The following NOCT variants were observed in gnomAD, a reference collection of about 807,000 sequenced individuals.
The protein encoded by NOCT is CCR4 carbon catabolite repression 4-like.
A neutral mutation model predicts 35.0 loss-of-function variants in NOCT; 18 were observed. The ratio of observed to expected loss-of-function variants is 0.51; its 90% CI spans 0.36 to 0.76. NOCT has a LOEUF of 0.76. NOCT is among the 30% of genes least tolerant of loss of function. NOCT has a pLI of 0.01. For synonymous variants in NOCT, 235 were observed against 226.3 expected (o/e 1.04, Z -0.34); for missense variants, 479 against 541.0 (o/e 0.89, Z 1.14).
At position 139,043,333 on chromosome 4, in the gene NOCT, C is replaced by A. The variant is rs1726872106; in HGVS notation, c.450C>A (p.Ile150=). 2 of 1,613,256 alleles carry A rather than the reference C, an allele frequency of 1.2e-6. No homozygotes were observed. Among genetic ancestry groups the A allele is most frequent in the Non-Finnish European group, 8.5e-7 (1 of 1,179,426 alleles). The change falls in exon 2 of 3, where the codon ATC becomes ATA. Residue 150 remains isoleucine, a synonymous_variant. Transcript: ENST00000280614. ...CTATCAGGGTTATGCAATGGAACAT[C>A]CTCGCCCAAGGTATGCTGGATGCTT... ...HPPIRVMQWN[I]LAQALGEGKD...
chr4:139,039,796 C>T (rs1429744678), intron 1 of NOCT, among the ~76,000 whole-genome samples: 1 of 152,086 alleles, frequency 6.6e-6, no homozygotes, highest in Non-Finnish European at 1.5e-5. Context: ...GGCGCCATCT[C>T]GGCTTCCTGC....
intron 1 of NOCT, among the ~76,000 whole-genome samples, chr4:139,035,096 A>G (rs191266695): frequency 6.6e-6 from 1 of 151,990 alleles, no homozygotes; most frequent in African/African-American, 2.4e-5. Flanking sequence ...TGGCACCTCC[A>G]TCCTTCTGGT....
At chr4:139,042,398 A>G (rs1469413677) in intron 1 of NOCT, among the ~76,000 whole-genome samples, 3 of 152,150 alleles carry the variant, frequency 2.0e-5, no homozygotes, top group African/African-American at 7.2e-5. Flanking sequence ...ATATATAGAA[A>G]AAGGAATGTA....
At chr4:139,040,350 T>G (rs1436232194) in intron 1 of NOCT, among the ~76,000 whole-genome samples, 6 of 152,162 alleles carry the variant, frequency 3.9e-5, no homozygotes, top group Non-Finnish European at 1.5e-5. Flanking sequence ...TTGTATCATT[T>G]TCTTAAAGAC....
At chr4:139,019,930 C>T (rs1469456527) in intron 1 of NOCT, among the ~76,000 whole-genome samples, 1 of 152,130 alleles carries the variant, frequency 6.6e-6, no homozygotes, top group Non-Finnish European at 1.5e-5. Context: ...TGCTTTTTTT[C>T]ATGGTACAAT....
intron 1 of NOCT, among the ~76,000 whole-genome samples, chr4:139,031,059 T>C (rs1327935669): frequency 6.6e-6 from 1 of 152,084 alleles, no homozygotes; most frequent in Non-Finnish European, 1.5e-5. Flanking sequence ...CGCTGAATGG[T>C]TTGGGCAAAG....
rs756778673 is a variant in NOCT at position 139,045,045 on chromosome 4, A to G, written c.867A>G (p.Ala289=). Residue 289 remains alanine, a synonymous_variant, in exon 3 of 3, where the codon GCA becomes GCG. Coordinates refer to ENST00000280614, the MANE Select transcript of NOCT (RefSeq NM_012118.4). ...QFCIAVTHLK[A]RTGWERFRSA... is the part of the protein sequence containing the mutation. The stretch of plus-strand genomic sequence containing the variant: ...GCATCGCTGTTACCCATCTAAAAGC[A>G]CGCACTGGCTGGGAGCGGTTTCGAT... 6.2e-7 allele frequency: 1 copy of G among 1,614,100 alleles called. No homozygotes were observed. The highest frequency in any genetic ancestry group is 1.3e-5 in the African/African-American group (1 of 74,942).
intron 1 of NOCT, among the ~76,000 whole-genome samples, chr4:139,032,544 G>GA (rs1195556503): frequency 6.6e-6 from 1 of 152,136 alleles, no homozygotes; most frequent in East Asian, 1.9e-4. Context: ...CTGTGTTTGT[G>GA]AAAAATGAAT....
intron 1 of NOCT, among the ~76,000 whole-genome samples, chr4:139,029,962 G>A (rs931114936): frequency 1.3e-5 from 2 of 152,116 alleles, no homozygotes; most frequent in African/African-American, 4.8e-5. Context: ...TGCAATCTTG[G>A]CTCACTGCAA....
rs1379541544 is a variant in NOCT at position 139,020,243 on chromosome 4, G to T, written c.190+4072G>T. Among the ~76,000 whole-genome samples the T allele has an allele frequency of 2.6e-5, 4 of 152,230 alleles. No individual in the cohort carries two copies. The South Asian group carries it at 8.3e-4, about 32-fold the overall frequency. Reference sequence around the variant, plus strand: ...AACCTTGCTTGCTGTCTCAACACTAGACTTTACCTAGAACAAATGAATAAG... The same window carrying T: ...AACCTTGCTTGCTGTCTCAACACTATACTTTACCTAGAACAAATGAATAAG... On this transcript the variant is annotated intron_variant, in intron 1 of 2. Coordinates refer to ENST00000280614, the MANE Select transcript of NOCT (RefSeq NM_012118.4).
intron 1 of NOCT, among the ~76,000 whole-genome samples, chr4:139,034,721 G>A (rs929641706): frequency 2.0e-5 from 3 of 151,910 alleles, no homozygotes; most frequent in Admixed American, 1.3e-4. Context: ...ACAGGCATGC[G>A]CCACCACACC....
intron 1 of NOCT, among the ~76,000 whole-genome samples, chr4:139,040,219 T>C (rs1726812225): frequency 6.6e-6 from 1 of 150,896 alleles, no homozygotes; most frequent in Non-Finnish European, 1.5e-5. Context: ...TTTTGTATTT[T>C]TTAGTAGAGA....
chr4:139,023,366 T>A (rs1726451079), intron 1 of NOCT, among the ~76,000 whole-genome samples: 1 of 152,178 alleles, frequency 6.6e-6, no homozygotes, highest in Non-Finnish European at 1.5e-5. Context: ...ATATAATACT[T>A]TTCTATTTCC....
intron 1 of NOCT, among the ~76,000 whole-genome samples, chr4:139,029,245 TTAAC>T (rs1349064658): frequency 2.6e-5 from 4 of 152,226 alleles, no homozygotes; most frequent in Non-Finnish European, 5.9e-5. Context: ...TACCTCTTGT[TTAAC>T]TAAATTAATC....
chr4:139,035,382 T>G (rs1726712043), intron 1 of NOCT, among the ~76,000 whole-genome samples: 1 of 152,114 alleles, frequency 6.6e-6, no homozygotes, highest in Non-Finnish European at 1.5e-5. Context: ...GCGATCCTCC[T>G]GCCTTGGCCT....
intron 1 of NOCT, among the ~76,000 whole-genome samples, chr4:139,023,612 C>T (rs534656064): frequency 1.3e-5 from 2 of 152,200 alleles, no homozygotes; most frequent in Non-Finnish European, 2.9e-5. Context: ...TCTCCTGCCT[C>T]AGCCTCCCGA....
chr4:139,042,559 CTTAAA>C (rs1159039194), intron 1 of NOCT, among the ~76,000 whole-genome samples: 1 of 152,102 alleles, frequency 6.6e-6, no homozygotes, highest in Non-Finnish European at 1.5e-5. Flanking sequence ...AACGGTAGTA[CTTAAA>C]TTAACTGTCC....
intron 1 of NOCT, among the ~76,000 whole-genome samples, chr4:139,041,159 GA>G (rs1336768293): frequency 2.6e-5 from 4 of 152,094 alleles, no homozygotes. Context: ...TTACTGGAGG[GA>G]AAAACTACTT....
At position 139,023,305 on chromosome 4, in the gene NOCT, C is replaced by CT. The variant is rs368073624; in HGVS notation, c.190+7135dup. On this transcript the variant is annotated intron_variant, in intron 1 of 2. Coordinates refer to ENST00000280614, the MANE Select transcript of NOCT (RefSeq NM_012118.4). Reference sequence around the variant, plus strand: ...ATGCTTGTGACTGCAAATATCTTGTCTAGTACAGGGTGCAAAGTAAGTTAC... The same window carrying CT: ...ATGCTTGTGACTGCAAATATCTTGTCTTAGTACAGGGTGCAAAGTAAGTTAC... Among the ~76,000 whole-genome samples, 392 of 152,212 alleles carry CT rather than the reference C, an allele frequency of 2.6e-3. 2 individuals are homozygous for CT. Among genetic ancestry groups the CT allele is most frequent in the African/African-American group, 9.1e-3 (376 of 41,524 alleles).
Sources: allele counts gnomAD v4.1 joint callset (sites outside exome capture counted in the v4.1 genomes callset), GRCh38; gene constraint gnomAD v4.1.1; transcripts MANE v1.5; gene names NCBI Gene and HGNC (gene_info 2026-07-23, HGNC 2026-07-21).